PLEKHG5: variants seen among roughly 807,000 people sequenced by gnomAD.
PLEKHG5 encodes the protein pleckstrin homology domain-containing family G member 5.
A neutral mutation model predicts 103.8 loss-of-function variants in PLEKHG5; 52 were observed. The ratio of observed to expected loss-of-function variants is 0.50; its 90% CI spans 0.40 to 0.63. The LOEUF (loss-of-function observed/expected upper bound fraction) is 0.63. PLEKHG5 is among the 30% of genes least tolerant of loss of function. The probability of loss-of-function intolerance (pLI) is 0.00; values close to 1 mark genes in which losing one functional copy is unlikely to be tolerated. For missense variants in PLEKHG5, 1,205 were observed against 1,347.6 expected (o/e 0.89, Z 1.66); for synonymous variants, 592 against 575.5 (o/e 1.03, Z -0.41).
intron 1 of PLEKHG5, among the ~76,000 whole-genome samples, chr1:6,514,911 T>C: frequency 6.8e-6 from 1 of 146,322 alleles, no homozygotes; most frequent in Non-Finnish European, 1.5e-5. Context: ...CTATTAAAAA[T>C]ACAAAAAATT....
rs1042419918 is a variant in PLEKHG5 at position 6,491,276 on chromosome 1, G to A, written c.-88+361C>T. ...GAGTTCAGGTCCACCAACCTGTTCCGCACTTTCAAGCTTTTTATACAGCCT... is the reference window on the plus strand; with the variant it reads ...GAGTTCAGGTCCACCAACCTGTTCCACACTTTCAAGCTTTTTATACAGCCT... On this transcript the variant is annotated intron_variant, in intron 1 of 20. Transcript: ENST00000377728. The surrounding 1 kb of genome is among the most constrained non-coding windows in gnomAD (Gnocchi z 4.1). Among the ~76,000 whole-genome samples the A allele has an allele frequency of 3.4e-4, 52 of 151,968 alleles. No homozygotes were observed. Among genetic ancestry groups the A allele is most frequent in the African/African-American group, 1.2e-3 (51 of 41,346 alleles).
Position 6,473,430 on chromosome 1 carries a change from T to C in PLEKHG5, c.616A>G (p.Met206Val), listed in dbSNP as rs1302127079. Residue 206 changes from methionine to valine, a missense_variant, in exon 8 of 21, where the codon ATG becomes GTG. Transcript: ENST00000377728. Reference protein sequence around the residue: ...ILAPGRRRKNMSEFLGEASIP... With the variant: ...ILAPGRRRKNVSEFLGEASIP... ...CTCGCCTCCCCCAGGAACTCCGACA[T>C]GTTCTTGCGGCGGCGGCCAGGGGCC... The C allele has an allele frequency of 2.6e-6, 4 of 1,538,760 alleles. No individual in the cohort carries two copies. The Admixed American group carries it at 5.9e-5, about 23-fold the overall frequency.
intron 8 of PLEKHG5, 22 bp from the exon 9 acceptor site, chr1:6,473,196 G>A: frequency 6.2e-7 from 1 of 1,613,420 alleles, no homozygotes; most frequent in Non-Finnish European, 8.5e-7. Context: ...CCCTGGTCAG[G>A]GTCAGGGGTC....
chr1:6,469,495 C>T, intron 17 of PLEKHG5, 45 bp from the exon 18 acceptor site: 2 of 1,613,336 alleles, frequency 1.2e-6, no homozygotes, highest in Admixed American at 3.3e-5. Context: ...GACGATGGCC[C>T]CCACCCATCA....
At chr1:6,496,351 T>C, upstream of PLEKHG5, 2 of 591,218 alleles carry the variant, frequency 3.4e-6, no homozygotes, top group Non-Finnish European at 6.0e-6. Flanking sequence ...AGACACACTG[T>C]GGCCCCACCT....
rs564711531 is a variant in PLEKHG5, at chr1:6,504,670, C to T, written c.-164-8101G>A. ...CTGCAAACTACACCTCCCGGGTTCA[C>T]GCCATTCTCCTGCCTCAGCCTCCGG... On this transcript the variant is annotated intron_variant, in intron 1 of 21. Transcript: ENST00000377740. 1.6e-3 allele frequency among the ~76,000 whole-genome samples: 236 copies of T among 151,890 alleles called. 1 individual carries two copies. The highest frequency in any genetic ancestry group is 5.3e-3 in the African/African-American group (219 of 41,436).
chr1:6,518,181 C>T (rs1437068504), intron 1 of PLEKHG5, among the ~76,000 whole-genome samples: 2 of 151,992 alleles, frequency 1.3e-5, no homozygotes, highest in Admixed American at 6.5e-5. Flanking sequence ...ATCCGCCCGC[C>T]TCAGCCTCCC....
chr1:6,508,242 G>A (rs1557771172), intron 1 of PLEKHG5, among the ~76,000 whole-genome samples: 1 of 152,192 alleles, frequency 6.6e-6, no homozygotes, highest in Non-Finnish European at 1.5e-5. Flanking sequence ...CTGAGGGGCT[G>A]CAGCCCTGGA....
At chr1:6,485,551 G>A in intron 1 of PLEKHG5, 16 of 1,111,344 alleles carry the variant, frequency 1.4e-5, no homozygotes, top group Non-Finnish European at 1.8e-5. Flanking sequence ...GGGGACCCCG[G>A]GGAGGGCCGG....
upstream of PLEKHG5, chr1:6,497,257 T>G: frequency 2.2e-6 from 2 of 891,416 alleles, no homozygotes; most frequent in South Asian, 1.4e-5. This position sits in a 1 kb window ranked among gnomAD's most constrained non-coding sequence, Gnocchi z 6.1. Flanking sequence ...CGGAGGAGGT[T>G]AGGAGCCGGC....
chr1:6,477,967 G>T (rs1445604176), intron 1 of PLEKHG5, among the ~76,000 whole-genome samples: 7 of 151,878 alleles, frequency 4.6e-5, no homozygotes, highest in Admixed American at 4.6e-4. Flanking sequence ...TGCAACCTCC[G>T]CCTCCTGGTT....
Position 6,474,117 on chromosome 1 carries a change from C to T in PLEKHG5, c.487G>A (p.Asp163Asn), listed in dbSNP as rs886471004. The T allele has an allele frequency of 5.6e-6, 9 of 1,613,450 alleles. No homozygotes were observed. In the Admixed American group the frequency reaches 8.3e-5, roughly 15 times the overall value. The change falls in exon 7 of 21, where the codon GAC becomes AAC. Residue 163 changes from aspartate (D) to asparagine (N), a missense_variant. Coordinates refer to ENST00000377728, the MANE Select transcript of PLEKHG5 (RefSeq NM_020631.6). ...ATCGGCAAACTCAGGGACTTGGAGT[C>T]CTTCATGCCCTGCTCCACCTTGCCC... ...DEGKVEQGMK[D>N]SKSLSLPILR...
At chr1:6,473,976 T>TGGCCC in intron 7 of PLEKHG5, 37 bp downstream of exon 7, 1 of 1,265,562 alleles carries the variant, frequency 7.9e-7, no homozygotes, top group Non-Finnish European at 1.1e-6. Context: ...CTGGGCCCCT[T>TGGCCC]CCCACCCCCT....
chr1:6,516,150 C>G (rs764934172), intron 1 of PLEKHG5, among the ~76,000 whole-genome samples: 7 of 152,254 alleles, frequency 4.6e-5, no homozygotes, highest in Non-Finnish European at 8.8e-5. Flanking sequence ...AAAAACTGGG[C>G]TGGGCTTCGT....
At position 6,472,548 on chromosome 1, in the gene PLEKHG5, C is replaced by T. The variant is rs757061257; in HGVS notation, c.1059G>A (p.Arg353=). 9 of 1,613,244 alleles carry T rather than the reference C, an allele frequency of 5.6e-6. No individual in the cohort carries two copies. The highest frequency in any genetic ancestry group is 5.9e-6 in the Non-Finnish European group (7 of 1,179,532). The change falls in exon 10 of 21, where the codon AGG becomes AGA. Residue 353 remains arginine (R), a synonymous_variant. Transcript: ENST00000377728. ...ELLHTEASYI[R]KLRVIINLFL... ...TCACGTTGATGATCACCCGCAGTTT[C>T]CTGATGTAGGAGGCCTCCGTGTGCA...
chr1:6,475,416 C>G, intron 4 of PLEKHG5, 46 bp downstream of exon 4: 2 of 1,550,336 alleles, frequency 1.3e-6, no homozygotes. Context: ...GGGAAGGGCG[C>G]AGGCTGTAGG....
At chr1:6,479,579 C>T (rs548104298) in intron 1 of PLEKHG5, among the ~76,000 whole-genome samples, 1 of 151,954 alleles carries the variant, frequency 6.6e-6, no homozygotes, top group African/African-American at 2.4e-5. Flanking sequence ...AGCCACCGTG[C>T]CCAGCCTTGT....
chr1:6,503,894 G>C (rs1261707593), intron 1 of PLEKHG5, among the ~76,000 whole-genome samples: 2 of 152,146 alleles, frequency 1.3e-5, no homozygotes, highest in African/African-American at 2.4e-5. Context: ...TGAGCCGTGA[G>C]GGCATCCCAA....
chr1:6,471,263 G>T (rs1644576466), intron 12 of PLEKHG5, 163 bp from the exon 13 acceptor site: 1 of 792,766 alleles, frequency 1.3e-6, no homozygotes, highest in African/African-American at 1.7e-5. Flanking sequence ...CTGAGCCTCA[G>T]CCAAAGTGAC....
Sources: gnomAD v4.1 joint callset for allele counts (sites outside exome capture counted in the v4.1 genomes callset) on GRCh38, gnomAD v4.1.1 for gene constraint, Gnocchi (gnomAD v3.1) non-coding constraint, MANE v1.5 for transcripts, NCBI Gene and HGNC (gene_info 2026-07-23, HGNC 2026-07-21) for gene names.